The following ZNF724 variants were observed in gnomAD, a reference collection of about 807,000 sequenced individuals.
ZNF724 encodes the protein zinc finger protein 724, also known as zinc finger protein 724 pseudogene.
ZNF724 carries 14 observed loss-of-function variants against 29.3 expected under a neutral mutation model. That is an observed-to-expected ratio of 0.48 (90% CI 0.32 to 0.75). The LOEUF (loss-of-function observed/expected upper bound fraction) is 0.75. Ranked by LOEUF, ZNF724 falls within the 30% of genes least tolerant of loss-of-function variation. The pLI, the probability that ZNF724 is intolerant of heterozygous loss-of-function variation, is 0.04. For missense variants in ZNF724, 557 were observed against 571.2 expected, an observed-to-expected ratio of 0.98 and a Z score of 0.25; for synonymous variants, 180 against 193.6, an observed-to-expected ratio of 0.93 and a Z score of 0.58.
chr19:23,233,164 G>A (rs376793880), intron 1 of ZNF724, among the ~76,000 whole-genome samples: 1 of 152,088 alleles, frequency 6.6e-6, no homozygotes, highest in Non-Finnish European at 1.5e-5. Flanking sequence ...GGAAACATCA[G>A]TTTTATGCAA....
chr19:23,239,945 T>C (rs968557472), intron 1 of ZNF724, among the ~76,000 whole-genome samples: 3 of 147,308 alleles, frequency 2.0e-5, no homozygotes, highest in African/African-American at 8.1e-5. Flanking sequence ...AGTTAAATAT[T>C]TGAAAAAAAT....
chr19:23,241,178 GACAA>G (rs1465966490), intron 1 of ZNF724, among the ~76,000 whole-genome samples: 3 of 152,140 alleles, frequency 2.0e-5, no homozygotes, highest in African/African-American at 4.8e-5. Flanking sequence ...TAAATTTCTA[GACAA>G]ACAAATTCTC....
intron 1 of ZNF724, among the ~76,000 whole-genome samples, chr19:23,248,369 A>AT (rs1272202441): frequency 6.6e-6 from 1 of 152,164 alleles, no homozygotes; most frequent in African/African-American, 2.4e-5. Context: ...AGAACTGGAA[A>AT]TTTAGTATGT....
intron 3 of ZNF724, among the ~76,000 whole-genome samples, chr19:23,227,554 T>TG (rs1179668726): frequency 5.8e-5 from 1 of 17,106 alleles, no homozygotes; most frequent in African/African-American, 1.5e-4. Flanking sequence ...AGGCTCCATC[T>TG]CAAAAAAAAA....
intron 3 of ZNF724, among the ~76,000 whole-genome samples, chr19:23,230,094 A>C (rs1260707111): frequency 2.0e-5 from 3 of 152,196 alleles, no homozygotes; most frequent in Non-Finnish European, 4.4e-5. Flanking sequence ...CCATAAACTT[A>C]AACTATCTGA....
chr19:23,243,730 C>T (rs188194505), intron 1 of ZNF724, among the ~76,000 whole-genome samples: 1 of 151,620 alleles, frequency 6.6e-6, no homozygotes, highest in Non-Finnish European at 1.5e-5. Flanking sequence ...CGAGACCAGC[C>T]TGGTCCACAT....
intron 1 of ZNF724, 39 bp from the exon 2 acceptor site, chr19:23,232,332 G>A (rs774463484): frequency 9.7e-7 from 1 of 1,027,476 alleles, no homozygotes; most frequent in Admixed American, 2.0e-5. Flanking sequence ...AAGTGGCCAT[G>A]GGCAAAATTT....
intron 1 of ZNF724, among the ~76,000 whole-genome samples, chr19:23,248,581 A>ATTT (rs34343272): frequency 1.4e-5 from 2 of 144,610 alleles, no homozygotes; most frequent in Non-Finnish European, 3.0e-5. Flanking sequence ...ACTCAAATGC[A>ATTT]TTTTTTTTTT....
At chr19:23,235,202 A>T (rs1388072568) in intron 1 of ZNF724, among the ~76,000 whole-genome samples, 2 of 150,624 alleles carry the variant, frequency 1.3e-5, no homozygotes, top group Non-Finnish European at 3.0e-5. Flanking sequence ...CTCATAACAA[A>T]CTGGGAGTCA....
rs1971732999 is a variant in ZNF724 at position 23,222,465 on chromosome 19, C to T, written c.1780G>A (p.Glu594Lys). 1 of 1,299,336 alleles carries T rather than the reference C, an allele frequency of 7.7e-7. No individual in the cohort carries two copies. The highest frequency in any genetic ancestry group is 1.5e-5 in the African/African-American group (1 of 68,910). The allele number at this position is 1,299,336 out of a possible 1,614,324, so 80.5% of individuals were successfully genotyped here. ...HTGEKPYKCK[E>K]CGKAFNQCSN... ...CATTGGTTAAAAGCTTTGCCACATT[C>T]TTTACATTTGTAGGGTTTCTCTCCA... Residue 594 changes from glutamate to lysine, a missense_variant, in exon 4 of 4, where the codon GAA becomes AAA. Coordinates refer to ENST00000418100, the MANE Select transcript of ZNF724 (RefSeq NM_001355404.2).
intron 1 of ZNF724, among the ~76,000 whole-genome samples, chr19:23,235,535 C>T (rs760475145): frequency 6.6e-6 from 1 of 152,118 alleles, no homozygotes; most frequent in Non-Finnish European, 1.5e-5. Flanking sequence ...ATTTTATCTG[C>T]TTTTGGGTTT....
chr19:23,233,235 T>C (rs1971968905), intron 1 of ZNF724, among the ~76,000 whole-genome samples: 1 of 152,228 alleles, frequency 6.6e-6, no homozygotes, highest in Non-Finnish European at 1.5e-5. Context: ...AGGAATCTTC[T>C]ATTCAAGATA....
chr19:23,239,100 A>G (rs1972072644), intron 1 of ZNF724, among the ~76,000 whole-genome samples: 1 of 152,230 alleles, frequency 6.6e-6, no homozygotes, highest in African/African-American at 2.4e-5. Context: ...AGCTATGAAG[A>G]GAGTTGGATT....
At chr19:23,244,267 C>T (rs1280900754) in intron 1 of ZNF724, among the ~76,000 whole-genome samples, 2 of 151,828 alleles carry the variant, frequency 1.3e-5, no homozygotes, top group Non-Finnish European at 2.9e-5. Flanking sequence ...AGGAATATGC[C>T]GGGAGACTCG....
intron 1 of ZNF724, among the ~76,000 whole-genome samples, chr19:23,246,434 ATCACGAGGTCAGGAGT>A (rs1159605472): frequency 6.6e-6 from 1 of 152,132 alleles, no homozygotes; most frequent in East Asian, 1.9e-4. Context: ...AGGCGGGCAG[ATCACGAGGTCAGGAGT>A]TCAAGAACAG....
rs555499707 is a variant in ZNF724 at position 23,229,665 on chromosome 19, C to G, written c.226+1601G>C. 7.2e-5 allele frequency among the ~76,000 whole-genome samples: 11 copies of G among 152,264 alleles called. No individual in the cohort carries two copies. The South Asian group carries it at 2.1e-3, about 29-fold the overall frequency. On this transcript the variant is annotated intron_variant, in intron 3 of 3. Coordinates refer to ENST00000418100, the MANE Select transcript of ZNF724 (RefSeq NM_001355404.2). ...TGTAACAAGGCAACTAAAGGTAAACCCTTGTGCAGACATAGCAGCCTTGTG... is the reference window on the plus strand; with the variant it reads ...TGTAACAAGGCAACTAAAGGTAAACGCTTGTGCAGACATAGCAGCCTTGTG...
intron 3 of ZNF724, among the ~76,000 whole-genome samples, chr19:23,226,929 AAACC>A (rs1431421834): frequency 6.6e-6 from 1 of 152,004 alleles, no homozygotes; most frequent in African/African-American, 2.4e-5. Context: ...TCATTTTAAG[AAACC>A]AACACTAAAA....
intron 1 of ZNF724, among the ~76,000 whole-genome samples, chr19:23,245,002 G>A (rs187391262): frequency 2.6e-5 from 4 of 152,308 alleles, no homozygotes; most frequent in Admixed American, 6.5e-5. Flanking sequence ...GATGAAGCAC[G>A]TAGGTAATCC....
chr19:23,238,851 G>A (rs1170746823), intron 1 of ZNF724, among the ~76,000 whole-genome samples: 1 of 152,188 alleles, frequency 6.6e-6, no homozygotes, highest in Non-Finnish European at 1.5e-5. Context: ...AGGTTGCAGT[G>A]AGCTGAGATC....
Sources: gnomAD v4.1 joint callset for allele counts (sites outside exome capture counted in the v4.1 genomes callset) on GRCh38, gnomAD v4.1.1 for gene constraint, MANE v1.5 for transcripts, NCBI Gene and HGNC (gene_info 2026-07-23, HGNC 2026-07-21) for gene names.